The following CADM2 variants were observed in gnomAD, a reference collection of about 807,000 sequenced individuals.
CADM2 encodes the protein immunoglobulin superfamily member 4D.
A neutral mutation model predicts 49.8 loss-of-function variants in CADM2; 12 were observed. The ratio of observed to expected loss-of-function variants is 0.24; its 90% CI spans 0.15 to 0.39. The LOEUF (loss-of-function observed/expected upper bound fraction) is 0.39. Ranked by LOEUF, CADM2 falls within the 10% of genes least tolerant of loss-of-function variation. CADM2 has a pLI of 1.00. For synonymous variants in CADM2, 214 were observed against 175.4 expected (o/e 1.22, Z -1.74); for missense variants, 378 against 492.3 (o/e 0.77, Z 2.20).
chr3:84,982,917 T>G (rs2032297866), intron 1 of CADM2, among the ~76,000 whole-genome samples: 1 of 148,586 alleles, frequency 6.7e-6, no homozygotes, highest in South Asian at 2.1e-4. Flanking sequence ...AGCTAATTTT[T>G]TTTGTATTTT....
intron 6 of CADM2, among the ~76,000 whole-genome samples, chr3:85,925,895 T>C (rs957255450): frequency 1.3e-5 from 2 of 152,066 alleles, no homozygotes; most frequent in African/African-American, 4.8e-5. Context: ...CCCAGCACTT[T>C]GGGAGGCCAA....
intron 1 of CADM2, among the ~76,000 whole-genome samples, chr3:85,642,215 A>C (rs929989518): frequency 6.6e-6 from 1 of 152,216 alleles, no homozygotes; most frequent in Admixed American, 6.5e-5. Context: ...TGAGTAAACT[A>C]GTTATAGTCA....
intron 3 of CADM2, among the ~76,000 whole-genome samples, chr3:85,806,090 C>G (rs2072396023): frequency 6.7e-6 from 1 of 150,340 alleles, no homozygotes; most frequent in South Asian, 2.1e-4. Context: ...CAAGTCAACT[C>G]TCTGAAGAGT....
At chr3:85,035,853 T>C (rs904729198) in intron 1 of CADM2, among the ~76,000 whole-genome samples, 2 of 152,210 alleles carry the variant, frequency 1.3e-5, no homozygotes, top group African/African-American at 4.8e-5. Context: ...ATTACTATTC[T>C]TTATGCTTTT....
At position 85,143,782 on chromosome 3, in the gene CADM2, T is replaced by C. The variant is rs373085860; in HGVS notation, c.61+184114T>C. 1.1e-4 allele frequency among the ~76,000 whole-genome samples: 16 copies of C among 152,280 alleles called. 1 individual carries two copies. Among genetic ancestry groups the C allele is most frequent in the African/African-American group, 3.9e-4 (16 of 41,558 alleles). ...TGGCCCCCCTATTTCTATTCTTGGC[T>C]CCCTTCAGTTTATTTTCAACACTGT... On this transcript the variant is annotated intron_variant, in intron 1 of 9. Transcript: ENST00000383699.
At chr3:85,628,389 T>G (rs1002606686) in intron 1 of CADM2, among the ~76,000 whole-genome samples, 5 of 151,660 alleles carry the variant, frequency 3.3e-5, no homozygotes, top group Non-Finnish European at 7.4e-5. Context: ...TTCTGCAATC[T>G]ATCTAAAATC....
chr3:85,954,921 T>C (rs930932531), intron 7 of CADM2, among the ~76,000 whole-genome samples: 14 of 151,214 alleles, frequency 9.3e-5, no homozygotes, highest in Non-Finnish European at 1.9e-4. Context: ...CCAGTGAAAA[T>C]ATCACAGGAA....
intron 1 of CADM2, among the ~76,000 whole-genome samples, chr3:85,050,133 T>C (rs907930702): frequency 1.1e-4 from 17 of 152,162 alleles, no homozygotes; most frequent in African/African-American, 4.1e-4. Context: ...GGGGGCTATG[T>C]ATTAGTGAAC....
intron 8 of CADM2, among the ~76,000 whole-genome samples, chr3:85,980,999 G>A (rs1287352247): frequency 6.6e-6 from 1 of 151,200 alleles, no homozygotes; most frequent in Non-Finnish European, 1.5e-5. Flanking sequence ...AAAATCACTA[G>A]CAATCAAATG....
chr3:85,670,355 A>C, intron 1 of CADM2, among the ~76,000 whole-genome samples: 1 of 152,178 alleles, frequency 6.6e-6, no homozygotes, highest in East Asian at 1.9e-4. Context: ...ACTAGTAGAA[A>C]ATATGCCTTA....
chr3:85,404,604 C>T (rs924525431), intron 1 of CADM2, among the ~76,000 whole-genome samples: 7 of 152,050 alleles, frequency 4.6e-5, no homozygotes, highest in African/African-American at 1.7e-4. Context: ...TAAGACAATC[C>T]TAACGGAAGG....
At position 85,345,685 on chromosome 3, in the gene CADM2, C is replaced by T. The variant is rs529362425; in HGVS notation, c.62-380837C>T. ...ATTGAAGGATACATAGGAGGCATGA[C>T]ATCTAAATGCAAAGCACGATTGGGT... is the stretch of plus-strand genomic sequence containing the variant. On this transcript the variant is annotated intron_variant, in intron 1 of 9. Coordinates refer to ENST00000383699, the MANE Select transcript of CADM2 (RefSeq NM_001167675.2). Among the ~76,000 whole-genome samples the T allele has an allele frequency of 3.3e-5, 5 of 152,296 alleles. No homozygotes were observed. In the South Asian group the frequency reaches 8.3e-4, roughly 25 times the overall value.
chr3:85,058,646 T>C (rs2036185188), intron 1 of CADM2, among the ~76,000 whole-genome samples: 1 of 151,892 alleles, frequency 6.6e-6, no homozygotes, highest in South Asian at 2.1e-4. Context: ...GGTTTCTCCA[T>C]GTTGGTCAGG....
chr3:85,297,185 A>G (rs548495426), intron 1 of CADM2, among the ~76,000 whole-genome samples: 2 of 151,988 alleles, frequency 1.3e-5, no homozygotes, highest in Non-Finnish European at 2.9e-5. Flanking sequence ...TAAGCGTCAG[A>G]TAAGTTAAGT....
chr3:85,700,731 T>C (rs1439018097), intron 1 of CADM2, among the ~76,000 whole-genome samples: 1 of 152,174 alleles, frequency 6.6e-6, no homozygotes, highest in East Asian at 1.9e-4. Context: ...CCAAATAAGT[T>C]CCTCATTTCC....
intron 2 of CADM2, among the ~76,000 whole-genome samples, chr3:85,782,502 C>G (rs2070714595): frequency 6.6e-6 from 1 of 151,482 alleles, no homozygotes; most frequent in Non-Finnish European, 1.5e-5. Context: ...CAGTGAAACC[C>G]CATCTCTACT....
chr3:85,983,784 T>C (rs1559782344), intron 8 of CADM2, among the ~76,000 whole-genome samples: 1 of 134,992 alleles, frequency 7.4e-6, no homozygotes, highest in Non-Finnish European at 1.6e-5. Context: ...TATATCTATC[T>C]GTCTATCTAC....
chr3:85,975,599 CTT>C (rs1373442508), intron 8 of CADM2, among the ~76,000 whole-genome samples: 2 of 151,572 alleles, frequency 1.3e-5, no homozygotes, highest in Non-Finnish European at 3.0e-5. Flanking sequence ...CTCTTTATAA[CTT>C]AACATCTAAA....
At chr3:85,450,051 G>T (rs541357609) in intron 1 of CADM2, among the ~76,000 whole-genome samples, 12 of 152,282 alleles carry the variant, frequency 7.9e-5, no homozygotes, top group African/African-American at 2.6e-4. Flanking sequence ...CTGCAAAGTT[G>T]TTCCTATCAA....
Sources: gnomAD v4.1 joint callset for allele counts (sites outside exome capture counted in the v4.1 genomes callset) on GRCh38, gnomAD v4.1.1 for gene constraint, MANE v1.5 for transcripts, NCBI Gene and HGNC (gene_info 2026-07-23, HGNC 2026-07-21) for gene names.